The following NAV2 variants were observed in gnomAD, a reference collection of about 807,000 sequenced individuals.
The protein encoded by NAV2 is neuron navigator 2.
A neutral mutation model predicts 223.2 loss-of-function variants in NAV2; 54 were observed. The ratio of observed to expected loss-of-function variants is 0.24; its 90% CI spans 0.19 to 0.30. The LOEUF (loss-of-function observed/expected upper bound fraction) is 0.30. NAV2 is among the 10% of genes least tolerant of loss of function. The pLI is 1.00. For missense variants in NAV2, 2,806 were observed against 3,147.5 expected (o/e 0.89, Z 2.60); for synonymous variants, 1,279 against 1,239.3 (o/e 1.03, Z -0.67).
At chr11:19,628,537 C>T (rs188153416) in intron 1 of NAV2, among the ~76,000 whole-genome samples, 28 of 152,302 alleles carry the variant, frequency 1.8e-4, no homozygotes, top group Non-Finnish European at 3.2e-4. Context: ...CAGAAATGTA[C>T]TCATGCATCC....
At chr11:19,446,917 G>A (rs1355847824) in intron 1 of NAV2, among the ~76,000 whole-genome samples, 2 of 152,168 alleles carry the variant, frequency 1.3e-5, no homozygotes, top group Non-Finnish European at 2.9e-5. Context: ...GGTCTCTCTA[G>A]TGCCATGAAA....
intron 37 of NAV2, among the ~76,000 whole-genome samples, chr11:20,117,525 C>T (rs185368011): frequency 1.8e-3 from 278 of 152,296 alleles, no homozygotes; most frequent in Non-Finnish European, 3.3e-3. Flanking sequence ...TCTTTGCACT[C>T]GGAGCCTTTG....
chr11:19,836,550 C>A (rs1397658975), intron 2 of NAV2, among the ~76,000 whole-genome samples: 5 of 131,740 alleles, frequency 3.8e-5, no homozygotes, highest in African/African-American at 1.5e-4. Context: ...GGCGACAGAG[C>A]GAGACTCTGT....
chr11:20,036,295 G>C (rs911190068), intron 12 of NAV2, among the ~76,000 whole-genome samples, 198 bp downstream of exon 12: 13 of 152,336 alleles, frequency 8.5e-5, no homozygotes, highest in Non-Finnish European at 1.6e-4. Context: ...GCGGATGGTG[G>C]ACACGGGAGT....
chr11:20,075,841 G>T (rs964532970), intron 22 of NAV2, among the ~76,000 whole-genome samples: 2 of 138,712 alleles, frequency 1.4e-5, no homozygotes. Flanking sequence ...TCCTCCTCTC[G>T]AATTTCACAG....
At chr11:20,114,169 C>A (rs537450337) in intron 36 of NAV2, among the ~76,000 whole-genome samples, 1 of 152,316 alleles carries the variant, frequency 6.6e-6, no homozygotes, top group Non-Finnish European at 1.5e-5. Context: ...CTTTTTCCAA[C>A]TCCACATCCA....
rs186709804 is a variant in NAV2, at chr11:19,563,347, G to A, written c.75+212320G>A. 3.0e-3 allele frequency among the ~76,000 whole-genome samples: 463 copies of A among 152,258 alleles called. 3 individuals carry two copies. The highest frequency in any genetic ancestry group is 3.4e-3 in the Non-Finnish European group (233 of 68,030). ...AGTTGGGTGCCAGGACTCAGGAGTC[G>A]GAACCCCATTACACTTAGGCTAGAT... On this transcript the variant is annotated intron_variant, in intron 1 of 37. Transcript: ENST00000360655.
intron 1 of NAV2, among the ~76,000 whole-genome samples, chr11:19,616,304 CTGTGTG>C (rs113035353): frequency 1.8e-3 from 247 of 140,706 alleles, no homozygotes; most frequent in African/African-American, 6.1e-3. Context: ...TTGCTTCTGA[CTGTGTG>C]TGTGTGTGTG....
intron 6 of NAV2, among the ~76,000 whole-genome samples, chr11:19,926,959 A>G (rs2044811447): frequency 6.6e-6 from 1 of 152,190 alleles, no homozygotes; most frequent in Non-Finnish European, 1.5e-5. Context: ...GTCCGCCCTC[A>G]CTGAAGGAGA....
In NAV2 at chr11:20,055,639, G is replaced by C. The variant is rs1454532186; in HGVS notation, c.4643-130G>C. The C allele has an allele frequency of 3.7e-6, 3 of 811,554 alleles. No homozygotes were observed. In the African/African-American group the frequency reaches 5.2e-5, roughly 14 times the overall value. The allele number at this position is 811,554 out of a possible 1,614,324, so 50.3% of individuals were successfully genotyped here. A position where few individuals can be genotyped will look rare whatever the true frequency, so the allele number is the denominator to read the frequency against. Reference sequence around the variant, plus strand: ...CAAATGCTGATGGGACTACCTTTTAGAAAACAGATGGGAGAAGAGTTGGCA... The same window carrying C: ...CAAATGCTGATGGGACTACCTTTTACAAAACAGATGGGAGAAGAGTTGGCA... On this transcript the variant is annotated intron_variant, in intron 18 of 37. Coordinates refer to ENST00000349880, the MANE Select transcript of NAV2 (RefSeq NM_145117.5).
intron 11 of NAV2, among the ~76,000 whole-genome samples, chr11:20,011,273 C>T (rs748161834): frequency 6.6e-6 from 1 of 151,206 alleles, no homozygotes; most frequent in Non-Finnish European, 1.5e-5. Flanking sequence ...TTTTTTAAGC[C>T]TATGTTTAAT....
At chr11:19,836,896 A>G (rs1027212298) in intron 2 of NAV2, among the ~76,000 whole-genome samples, 4 of 152,150 alleles carry the variant, frequency 2.6e-5, no homozygotes, top group Non-Finnish European at 4.4e-5. Context: ...GTGTCCTTCC[A>G]TGGTGGAAGG....
At chr11:19,397,842 G>C (rs1342257842) in intron 1 of NAV2, among the ~76,000 whole-genome samples, 1 of 152,086 alleles carries the variant, frequency 6.6e-6, no homozygotes, top group African/African-American at 2.4e-5. Flanking sequence ...TATATGCTAA[G>C]CATAAGCCCA....
At chr11:19,513,289 G>A (rs959251805) in intron 1 of NAV2, among the ~76,000 whole-genome samples, 4 of 152,230 alleles carry the variant, frequency 2.6e-5, no homozygotes, top group African/African-American at 7.2e-5. Context: ...ACCCACAGGT[G>A]TTGAAAAGCA....
At chr11:19,763,291 G>A (rs931946057) in intron 1 of NAV2, among the ~76,000 whole-genome samples, 2 of 152,206 alleles carry the variant, frequency 1.3e-5, no homozygotes, top group Non-Finnish European at 2.9e-5. Context: ...TAGAGATGGT[G>A]ATTGATATCT....
At chr11:19,475,334 A>G (rs2042084402) in intron 1 of NAV2, among the ~76,000 whole-genome samples, 1 of 152,216 alleles carries the variant, frequency 6.6e-6, no homozygotes, top group African/African-American at 2.4e-5. Context: ...GCAGACCAGA[A>G]AGGCTTTGAA....
intron 1 of NAV2, among the ~76,000 whole-genome samples, chr11:19,446,639 C>T (rs1005883010): frequency 2.0e-5 from 3 of 152,138 alleles, no homozygotes; most frequent in South Asian, 2.1e-4. Flanking sequence ...ATGAGGACTG[C>T]ATCTCAGACG....
At chr11:19,791,294 A>C (rs573955486) in intron 1 of NAV2, among the ~76,000 whole-genome samples, 1 of 152,288 alleles carries the variant, frequency 6.6e-6, no homozygotes, top group Non-Finnish European at 1.5e-5. Context: ...AAATGGCAAG[A>C]GGGCAAGGCG....
At chr11:19,752,561 C>T (rs1338073710) in intron 1 of NAV2, among the ~76,000 whole-genome samples, 1 of 152,092 alleles carries the variant, frequency 6.6e-6, no homozygotes, top group African/African-American at 2.4e-5. Flanking sequence ...TACTAATTAA[C>T]ATCTGTATAT....
Sources: allele counts gnomAD v4.1 joint callset (sites outside exome capture counted in the v4.1 genomes callset), GRCh38; gene constraint gnomAD v4.1.1; transcripts MANE v1.5; gene names NCBI Gene and HGNC (gene_info 2026-07-23, HGNC 2026-07-21).